ALDOA: variants seen among roughly 807,000 people sequenced by gnomAD.
The protein encoded by ALDOA is aldolase, fructose-bisphosphate A.
Under a neutral mutation model 43.9 loss-of-function variants are expected in ALDOA, and 26 were observed. The observed-to-expected ratio is 0.59, with a 90% CI of 0.43 to 0.82. The LOEUF (loss-of-function observed/expected upper bound fraction) is 0.82. Among genes scored for constraint, ALDOA ranks in the 40% least tolerant of loss-of-function variants. The pLI, the probability that ALDOA is intolerant of heterozygous loss-of-function variation, is 0.00. For missense variants in ALDOA, 498 were observed against 549.5 expected, an observed-to-expected ratio of 0.91 and a Z score of 0.94; for synonymous variants, 258 against 222.6, an observed-to-expected ratio of 1.16 and a Z score of -1.42.
chr16:30,065,077 G>T (rs1215331465), upstream of ALDOA, among the ~76,000 whole-genome samples: 4 of 152,248 alleles, frequency 2.6e-5, 1 homozygote, highest in Non-Finnish European at 5.9e-5. Context: ...GGCTGCGGCG[G>T]CCCGGCGGAG....
chr16:30,067,557 A>G lies in ALDOA; in HGVS notation c.382A>G (p.Ile128Val). The G allele has an allele frequency of 5.0e-6, 8 of 1,613,716 alleles. No homozygotes were observed. The highest frequency in any genetic ancestry group is 6.8e-6 in the Non-Finnish European group (8 of 1,180,008). The change falls in exon 4 of 10, where the codon ATT (isoleucine) becomes GTT (valine). Residue 128 changes from isoleucine to valine, a missense_variant. By Grantham distance (29) the Ile-to-Val change is conservative. Coordinates refer to ENST00000642816, the MANE Select transcript of ALDOA (RefSeq NM_001243177.4). Reference sequence around the variant, plus strand: ...AGCTGACGACCGCGTGAACCCCTGCATTGGGGGTGTCATCCTCTTCCATGA... The same window carrying G: ...AGCTGACGACCGCGTGAACCCCTGCGTTGGGGGTGTCATCCTCTTCCATGA... ...LTADDRVNPC[I>V]GGVILFHETL...
At chr16:30,068,487 C>T (rs1206724688) in intron 4 of ALDOA, 159 bp from the exon 5 acceptor site, 1 of 800,756 alleles carries the variant, frequency 1.2e-6, no homozygotes, top group Admixed American at 2.0e-5. Flanking sequence ...GGGGCACGCC[C>T]AGCTACCTAG....
intron 4 of ALDOA, chr16:30,067,910 G>GC: frequency 1.8e-6 from 1 of 559,126 alleles, no homozygotes; most frequent in East Asian, 3.1e-5. Flanking sequence ...AAGTGGCAGA[G>GC]CCCCAGTCTG....
At position 30,070,078 on chromosome 16, in the gene ALDOA, G is replaced by A. The variant is rs373869890; in HGVS notation, c.1162-39G>A. The A allele has an allele frequency of 2.0e-5, 32 of 1,613,562 alleles. No individual in the cohort carries two copies. The African/African-American group carries it at 4.1e-4, about 21-fold the overall frequency. On this transcript the variant is annotated intron_variant, in intron 9 of 9. Transcript: ENST00000642816. ...AGGGTGCCTGGGTGGATGGGACTCG[G>A]AGAAGAGCCCTTCTCACTCCACCCC...
Position 30,069,622 on chromosome 16 carries a change from G to A in ALDOA, c.910G>A (p.Ala304Thr), listed in dbSNP as rs886051893. 6.8e-6 allele frequency: 11 copies of A among 1,613,858 alleles called. No homozygotes were observed. The highest frequency in any genetic ancestry group is 8.5e-6 in the Non-Finnish European group (10 of 1,180,032). The change falls in exon 8 of 10, where the codon GCC (alanine) becomes ACC (threonine). Residue 304 changes from alanine to threonine, a missense_variant. Ala to Thr is a moderately conservative substitution (Grantham distance 58, BLOSUM62 0). Coordinates refer to ENST00000642816, the MANE Select transcript of ALDOA (RefSeq NM_001243177.4). The part of the protein sequence containing the change: ...CTQKFSHEEI[A>T]MATVTALRRT... ...TCAGAAGTTTTCTCATGAGGAGATT[G>A]CCATGGCGACCGTCACAGCGCTGCG...
At position 30,069,544 on chromosome 16, in the gene ALDOA, C is replaced by T; in HGVS notation, c.832C>T (p.Leu278=). ...GGCTCTGAGTGACCACCACATCTAC[C>T]TGGAAGGCACCTTGCTGAAGCCCAA... is the stretch of plus-strand genomic sequence containing the variant. ...YKALSDHHIY[L]EGTLLKPNMV... The change falls in exon 8 of 10, where the codon CTG becomes TTG. Residue 278 remains leucine, a synonymous_variant. Coordinates refer to ENST00000642816, the MANE Select transcript of ALDOA (RefSeq NM_001243177.4). 3 of 1,614,150 alleles carry T rather than the reference C, an allele frequency of 1.9e-6. No individual in the cohort carries two copies. The highest frequency in any genetic ancestry group is 2.5e-6 in the Non-Finnish European group (3 of 1,180,036).
rs199775687 is a variant in ALDOA, at chr16:30,067,011, C to T, written c.114C>T (p.Asn38=). The change falls in exon 2 of 10, where the codon AAC becomes AAT. Residue 38 remains asparagine (N), a synonymous_variant. Transcript: ENST00000642816. Reference sequence around the variant, plus strand: ...GGCAACTCCACCCTCAGCTGGGCAACACCCAGCACCAGACAGAGTTAGGAA... The same window carrying T: ...GGCAACTCCACCCTCAGCTGGGCAATACCCAGCACCAGACAGAGTTAGGAA... The part of the protein sequence containing the change: ...ASGQLHPQLG[N]TQHQTELGKE... 3 of 1,571,182 alleles carry T rather than the reference C, an allele frequency of 1.9e-6. No homozygotes were observed. Among genetic ancestry groups the T allele is most frequent in the Non-Finnish European group, 8.6e-7 (1 of 1,159,174 alleles).
chr16:30,070,283 C>G lies in ALDOA; in HGVS notation c.*71C>G, dbSNP rs1313531722. 2 of 1,462,798 alleles carry G rather than the reference C, an allele frequency of 1.4e-6. No homozygotes were observed. Among genetic ancestry groups the G allele is most frequent in the Non-Finnish European group, 1.9e-6 (2 of 1,044,386 alleles). The allele number at this position is 1,462,798 out of a possible 1,614,324, so 90.6% of individuals were successfully genotyped here. ...CTCCCACTCTTGAAGAGGAGGCCGC[C>G]TCCTCGGGGCTCCAGGCTGGCTTGC... On this transcript the variant is annotated 3_prime_UTR_variant, in exon 10 of 10. Transcript: ENST00000642816.
Position 30,069,841 on chromosome 16 carries a change from C to T in ALDOA, c.973C>T (p.Leu325=), listed in dbSNP as rs111252736. The T allele has an allele frequency of 6.5e-4, 1,055 of 1,614,138 alleles. 9 individuals carry two copies. Among genetic ancestry groups the T allele is most frequent in the South Asian group, 3.9e-3 (353 of 91,084 alleles). ...VPPAVTGITF[L]SGGQSEEEAS... ...CCCCTGCTCTACAGGGATCACCTTCCTGTCTGGAGGCCAGAGTGAGGAGGA... is the reference window on the plus strand; with the variant it reads ...CCCCTGCTCTACAGGGATCACCTTCTTGTCTGGAGGCCAGAGTGAGGAGGA... Residue 325 remains leucine (L), a synonymous_variant, in exon 9 of 10, where the codon CTG becomes TTG. Coordinates refer to ENST00000642816, the MANE Select transcript of ALDOA (RefSeq NM_001243177.4).
rs759758697 is a variant in ALDOA, at chr16:30,070,180, G to A, written c.1225G>A (p.Glu409Lys). 16 of 1,614,024 alleles carry A rather than the reference G, an allele frequency of 9.9e-6. No homozygotes were observed. Among genetic ancestry groups the A allele is most frequent in the Non-Finnish European group, 1.2e-5 (14 of 1,180,044 alleles). The part of the protein sequence containing the change: ...PSGQAGAAAS[E>K]SLFVSNHAY ...CGGTCAGGCTGGGGCTGCTGCCAGC[G>A]AGTCCCTCTTCGTCTCTAACCACGC... is the stretch of plus-strand genomic sequence containing the variant. Residue 409 changes from glutamate to lysine, a missense_variant, in exon 10 of 10, where the codon GAG (glutamate) becomes AAG (lysine). Transcript: ENST00000642816.
chr16:30,068,824 A>G lies in ALDOA; in HGVS notation c.548A>G (p.Asp183Gly), dbSNP rs121909533. The G allele has an allele frequency of 1.2e-6, 2 of 1,614,172 alleles. No individual in the cohort carries two copies. The highest frequency in any genetic ancestry group is 2.2e-5 in the East Asian group (1 of 44,878). ...TNGETTTQGLDGLSERCAQYK... is the reference protein window; with the variant it reads ...TNGETTTQGLGGLSERCAQYK... ...CCCCTTCCTCTTCTCTTAGGGTTGGATGGGCTGTCTGAGCGCTGTGCCCAG... is the reference window on the plus strand; with the variant it reads ...CCCCTTCCTCTTCTCTTAGGGTTGGGTGGGCTGTCTGAGCGCTGTGCCCAG... The change falls in exon 6 of 10, where the codon GAT becomes GGT. Residue 183 changes from aspartate (D) to glycine (G), a missense_variant. Coordinates refer to ENST00000642816, the MANE Select transcript of ALDOA (RefSeq NM_001243177.4).
Position 30,069,967 on chromosome 16 carries a change from G to T in ALDOA, c.1099G>T (p.Ala367Ser). The change falls in exon 9 of 10, where the codon GCC becomes TCC. Residue 367 changes from alanine to serine, a missense_variant. Physicochemically the swap from Ala to Ser is moderately conservative, Grantham distance 99 (BLOSUM62 1). Transcript: ENST00000642816. Reference protein sequence around the residue: ...GRALQASALKAWGGKKENLKA... With the variant: ...GRALQASALKSWGGKKENLKA... ...AGCCCTGCAGGCCTCTGCCCTGAAGGCCTGGGGCGGGAAGAAGGAGAACCT... is the reference window on the plus strand; with the variant it reads ...AGCCCTGCAGGCCTCTGCCCTGAAGTCCTGGGGCGGGAAGAAGGAGAACCT... 1 of 1,613,972 alleles carries T rather than the reference G, an allele frequency of 6.2e-7. No homozygotes were observed. The highest frequency in any genetic ancestry group is 8.5e-7 in the Non-Finnish European group (1 of 1,180,020).
At position 30,065,789 on chromosome 16, in the gene ALDOA, C is replaced by CGGGCAGGCG. The variant is rs1341883007; in HGVS notation, c.-152_-151insGGGCAGGCG. ...GCCTCCTGCGCCGCCCCTTCCGAGG[C>CGGGCAGGCG]TAAATCGGCTGCGTTCCTCTCGGAA... On this transcript the variant is annotated 5_prime_UTR_variant, in exon 1 of 10. Transcript: ENST00000642816. The CGGGCAGGCG allele has an allele frequency of 2.6e-5, 4 of 152,780 alleles. No homozygotes were observed. Among genetic ancestry groups the CGGGCAGGCG allele is most frequent in the Non-Finnish European group, 5.9e-5 (4 of 68,106 alleles). 9.5% of individuals were successfully genotyped at this position (152,780 alleles called of 1,614,324 possible).
At chr16:30,067,736 A>G (rs759406539) in intron 4 of ALDOA, 75 bp downstream of exon 4, 3 of 1,560,514 alleles carry the variant, frequency 1.9e-6, no homozygotes, top group Non-Finnish European at 2.6e-6. Flanking sequence ...GAGGCAGGGA[A>G]TGAATGCTGG....
intron 3 of ALDOA, 41 bp downstream of exon 3, chr16:30,067,407 G>A (rs763299410): frequency 6.2e-7 from 1 of 1,613,922 alleles, no homozygotes; most frequent in South Asian, 1.1e-5. Context: ...TGCAGGGTTG[G>A]GAGTGGCAGG....
Position 30,069,827 on chromosome 16 carries a change from C to CA in ALDOA, c.962-2dup, listed in dbSNP as rs775439610. 39 of 1,614,008 alleles carry CA rather than the reference C, an allele frequency of 2.4e-5. No individual in the cohort carries two copies. Among genetic ancestry groups the CA allele is most frequent in the Admixed American group, 5.0e-5 (3 of 60,002 alleles). ...CCCCTCTCGCCTCACCCCTGCTCTA[C>CA]AGGGATCACCTTCCTGTCTGGAGGC... is the stretch of plus-strand genomic sequence containing the variant. On this transcript the variant is annotated splice_polypyrimidine_tract_variant and splice_region_variant and intron_variant, in intron 8 of 9. Transcript: ENST00000642816.
chr16:30,067,140 C>T (rs1400142050), intron 2 of ALDOA, 94 bp from the exon 3 acceptor site: 13 of 1,586,380 alleles, frequency 8.2e-6, no homozygotes, highest in Non-Finnish European at 1.1e-5. Context: ...AGGTAGGGAA[C>T]ATTTCCCTGA....
chr16:30,066,790 C>T lies in ALDOA; in HGVS notation c.-13-95C>T. The stretch of plus-strand genomic sequence containing the variant: ...TGTGTGGCTTGAAGCACAGACCTTT[C>T]CCATATCTGGGCCCTTTCCCACGAG... On this transcript the variant is annotated intron_variant, in intron 1 of 9. Transcript: ENST00000642816. 3 of 1,384,114 alleles carry T rather than the reference C, an allele frequency of 2.2e-6. No individual in the cohort carries two copies. In the South Asian group the frequency reaches 4.3e-5, roughly 20 times the overall value. 85.7% of individuals were successfully genotyped at this position (1,384,114 alleles called of 1,614,324 possible).
upstream of ALDOA, chr16:30,064,281 TA>T (rs757632824): frequency 5.1e-6 from 2 of 394,142 alleles, no homozygotes; most frequent in Non-Finnish European, 8.9e-6. Flanking sequence ...CTCTCCTTCT[TA>T]AAAAAAACCA....
Sources: allele counts gnomAD v4.1 joint callset (sites outside exome capture counted in the v4.1 genomes callset), GRCh38; gene constraint gnomAD v4.1.1; transcripts MANE v1.5; gene names NCBI Gene and HGNC (gene_info 2026-07-23, HGNC 2026-07-21).